TMEM117: variants seen among roughly 807,000 people sequenced by gnomAD.
TMEM117 encodes the protein transmembrane protein 117.
A neutral mutation model predicts 52.4 loss-of-function variants in TMEM117; 27 were observed. That is an observed-to-expected ratio of 0.51 (90% CI 0.38 to 0.71). The LOEUF is 0.71. TMEM117 is among the 30% of genes least tolerant of loss of function. The pLI is 0.00. For synonymous variants in TMEM117, 215 were observed against 206.3 expected (o/e 1.04, Z -0.36); for missense variants, 556 against 630.5 (o/e 0.88, Z 1.26).
At chr12:43,935,471 G>A (rs1465201496) in intron 2 of TMEM117, among the ~76,000 whole-genome samples, 1 of 151,982 alleles carries the variant, frequency 6.6e-6, no homozygotes, top group Admixed American at 6.6e-5. Context: ...TATTAAGTTG[G>A]CCTTTAAAGA....
At chr12:44,347,752 A>T (rs1234443409) in intron 6 of TMEM117, among the ~76,000 whole-genome samples, 3 of 152,052 alleles carry the variant, frequency 2.0e-5, no homozygotes, top group African/African-American at 7.2e-5. Context: ...ATATTTTTAA[A>T]AACTCAGAGA....
At chr12:44,085,398 G>C (rs895547653) in intron 3 of TMEM117, among the ~76,000 whole-genome samples, 2 of 152,152 alleles carry the variant, frequency 1.3e-5, no homozygotes, top group African/African-American at 4.8e-5. Flanking sequence ...GTATTCATTT[G>C]AACTTCAAAG....
At chr12:43,796,901 C>A in the TMEM117 span, 1 of 1,394,934 alleles carries the variant, frequency 7.2e-7, no homozygotes, top group Admixed American at 2.0e-5. Context: ...TTATAAATCA[C>A]AGTACATCAT....
At chr12:43,831,451 CT>C (rs11402665), upstream of TMEM117, among the ~76,000 whole-genome samples, 138 of 133,838 alleles carry the variant, frequency 1.0e-3, no homozygotes, top group Middle Eastern at 4.0e-3. Context: ...TTGTCTTTTT[CT>C]TTTTTTTTTT....
intron 6 of TMEM117, among the ~76,000 whole-genome samples, chr12:44,322,389 C>T (rs1951143035): frequency 1.3e-5 from 2 of 152,152 alleles, no homozygotes; most frequent in Admixed American, 1.3e-4. Context: ...AGTGTTTATA[C>T]ACCCTCTCTG....
intron 5 of TMEM117, among the ~76,000 whole-genome samples, chr12:44,221,281 G>T (rs1403847158): frequency 6.6e-6 from 1 of 152,068 alleles, no homozygotes; most frequent in Non-Finnish European, 1.5e-5. Flanking sequence ...AAAAGAGAAG[G>T]CCATCTAAGG....
chr12:44,200,478 A>G (rs1949480494), intron 4 of TMEM117, among the ~76,000 whole-genome samples: 1 of 152,186 alleles, frequency 6.6e-6, no homozygotes, highest in Admixed American at 6.5e-5. Context: ...AAAGGAAACA[A>G]GCCTCTCATG....
At chr12:44,064,660 T>G (rs923763929) in intron 3 of TMEM117, among the ~76,000 whole-genome samples, 20 of 152,214 alleles carry the variant, frequency 1.3e-4, no homozygotes, top group Non-Finnish European at 5.9e-5. Context: ...AATGGTATGA[T>G]TACCAATGTG....
At chr12:43,965,303 A>G (rs771483588) in intron 3 of TMEM117, among the ~76,000 whole-genome samples, 6 of 152,230 alleles carry the variant, frequency 3.9e-5, no homozygotes, top group Non-Finnish European at 8.8e-5. Context: ...GCAGAGCCCC[A>G]CACATCACAT....
At chr12:44,185,930 TTA>T (rs1949272469) in intron 4 of TMEM117, among the ~76,000 whole-genome samples, 1 of 151,350 alleles carries the variant, frequency 6.6e-6, no homozygotes, top group Non-Finnish European at 1.5e-5. Flanking sequence ...TCCTACTTTC[TTA>T]TAGTGTTATT....
chr12:44,271,363 C>G (rs980934975), intron 5 of TMEM117, among the ~76,000 whole-genome samples: 1 of 151,976 alleles, frequency 6.6e-6, no homozygotes, highest in African/African-American at 2.4e-5. Flanking sequence ...GAGAGCATAA[C>G]TGTCTTTTCC....
chr12:44,378,350 A>C (rs938036758), intron 7 of TMEM117, among the ~76,000 whole-genome samples: 10 of 152,158 alleles, frequency 6.6e-5, no homozygotes, highest in Non-Finnish European at 1.2e-4. Flanking sequence ...TCATTTATAG[A>C]TGGTACAGAT....
At chr12:43,978,312 C>T (rs529937309) in intron 3 of TMEM117, among the ~76,000 whole-genome samples, 1 of 152,262 alleles carries the variant, frequency 6.6e-6, no homozygotes, top group Non-Finnish European at 1.5e-5. Flanking sequence ...AAAGTGCACA[C>T]AGGGTGGGCT....
chr12:44,067,210 T>C (rs138273055), intron 3 of TMEM117, among the ~76,000 whole-genome samples: 5 of 152,316 alleles, frequency 3.3e-5, no homozygotes, highest in African/African-American at 7.2e-5. Flanking sequence ...TTAACTGAAA[T>C]CTTGAGCCCC....
chr12:44,106,059 C>T (rs558631755), intron 3 of TMEM117, among the ~76,000 whole-genome samples: 2 of 152,172 alleles, frequency 1.3e-5, no homozygotes, highest in African/African-American at 4.8e-5. Context: ...TGTCCTGGCA[C>T]TGGTTCCCTC....
chr12:44,380,824 C>T (rs1285808760), intron 7 of TMEM117, among the ~76,000 whole-genome samples: 1 of 152,122 alleles, frequency 6.6e-6, no homozygotes, highest in Non-Finnish European at 1.5e-5. Flanking sequence ...AGAGGGTGCC[C>T]TCTTGCCACT....
intron 5 of TMEM117, among the ~76,000 whole-genome samples, chr12:44,265,377 T>A (rs185609531): frequency 6.6e-6 from 1 of 151,990 alleles, no homozygotes; most frequent in Admixed American, 6.6e-5. Context: ...CTGGAAGAAG[T>A]GAGTGATAGG....
chr12:44,066,280 T>C (rs1947220303), intron 3 of TMEM117, among the ~76,000 whole-genome samples: 1 of 152,114 alleles, frequency 6.6e-6, no homozygotes, highest in African/African-American at 2.4e-5. Flanking sequence ...AAGGGATAAC[T>C]ATAGGTGAGA....
chr12:43,825,037 T>G, the TMEM117 span, among the ~76,000 whole-genome samples: 1 of 152,240 alleles, frequency 6.6e-6, no homozygotes, highest in East Asian at 1.9e-4. Context: ...CTTAAATGAC[T>G]GAAGACCTTG....
Sources: gnomAD v4.1 joint callset for allele counts (sites outside exome capture counted in the v4.1 genomes callset) on GRCh38, gnomAD v4.1.1 for gene constraint, MANE v1.5 for transcripts, NCBI Gene and HGNC (gene_info 2026-07-23, HGNC 2026-07-21) for gene names.